The following RYR2 variants were observed in gnomAD, a reference collection of about 807,000 sequenced individuals.
The protein encoded by RYR2 is ryanodine receptor 2.
In RYR2, 227 loss-of-function variants were observed where a neutral mutation model predicts 601.1. The observed-to-expected ratio is 0.38, with a 90% CI of 0.34 to 0.42. The LOEUF is 0.42. RYR2 is among the 10% of genes least tolerant of loss of function. The probability of loss-of-function intolerance (pLI) is 1.00; values close to 1 mark genes in which losing one functional copy is unlikely to be tolerated. For missense variants in RYR2, 4,646 were observed against 6,156.5 expected (o/e 0.75, Z 8.21); for synonymous variants, 2,223 against 2,175.1 (o/e 1.02, Z -0.61).
At chr1:237,692,546 G>A (rs984889001) in intron 63 of RYR2, among the ~76,000 whole-genome samples, 18 of 152,168 alleles carry the variant, frequency 1.2e-4, no homozygotes, top group Non-Finnish European at 1.3e-4. Flanking sequence ...CTCCGTCCTC[G>A]TGTCCCAGCC....
At position 237,441,354 on chromosome 1, in the gene RYR2, T is replaced by C. The variant is rs1572344667; in HGVS notation, c.1041T>C (p.Asp347=). 1 of 1,613,772 alleles carries C rather than the reference T, an allele frequency of 6.2e-7. No homozygotes were observed. The change falls in exon 13 of 105, where the codon GAT becomes GAC. Residue 347 remains aspartate (D), a synonymous_variant. Coordinates refer to ENST00000366574, the MANE Select transcript of RYR2 (RefSeq NM_001035.3). ...KLDVGVRKEV[D]GMGTSEIKYG... is the part of the protein sequence containing the mutation. Reference sequence around the variant, plus strand: ...ATGTAGGGGTGAGAAAAGAAGTAGATGGCATGGGAACATCTGAAATAAAAT... The same window carrying C: ...ATGTAGGGGTGAGAAAAGAAGTAGACGGCATGGGAACATCTGAAATAAAAT...
chr1:237,072,395 G>A (rs980822282), intron 1 of RYR2, among the ~76,000 whole-genome samples: 5 of 152,160 alleles, frequency 3.3e-5, no homozygotes, highest in Non-Finnish European at 4.4e-5. Context: ...TGAGCGGATG[G>A]GCAGAGGAGA....
chr1:237,405,418 A>G (rs759611898), intron 10 of RYR2, among the ~76,000 whole-genome samples: 7 of 152,222 alleles, frequency 4.6e-5, no homozygotes, highest in Non-Finnish European at 8.8e-5. Context: ...TTTCTTTCTT[A>G]TAGCCTCAAC....
Position 237,610,687 on chromosome 1 carries a change from A to G in RYR2, c.4684-75A>G. ...TACTTTCCCTGTCTCTGTCCTGTGC[A>G]GAATTCTAGTCATTACTTTGTGAAC... On this transcript the variant is annotated intron_variant, in intron 35 of 104. Coordinates refer to ENST00000366574, the MANE Select transcript of RYR2 (RefSeq NM_001035.3). The surrounding 1 kb of genome is among the most constrained non-coding windows in gnomAD (Gnocchi z 4.9). 1 of 1,188,038 alleles carries G rather than the reference A, an allele frequency of 8.4e-7. No individual in the cohort carries two copies. The highest frequency in any genetic ancestry group is 1.4e-5 in the South Asian group (1 of 69,372). The allele number at this position is 1,188,038 out of a possible 1,614,324, so 73.6% of individuals were successfully genotyped here.
Position 237,709,018 on chromosome 1 carries a change from C to G in RYR2, c.10062C>G (p.Leu3354=). 1 of 1,613,370 alleles carries G rather than the reference C, an allele frequency of 6.2e-7. No homozygotes were observed. Among genetic ancestry groups the G allele is most frequent in the Non-Finnish European group, 8.5e-7 (1 of 1,179,378 alleles). The part of the protein sequence containing the change: ...ARGDMSEAEL[L]ILDEFTTLAR... ...GGGACATGTCGGAGGCAGAACTCCTCATCCTAGATGAGTTCACCACACTGG... is the reference window on the plus strand; with the variant it reads ...GGGACATGTCGGAGGCAGAACTCCTGATCCTAGATGAGTTCACCACACTGG... The change falls in exon 69 of 105, where the codon CTC becomes CTG. Residue 3354 remains leucine (L), a synonymous_variant. Transcript: ENST00000366574.
chr1:237,641,566 A>C (rs1182878821), intron 47 of RYR2, among the ~76,000 whole-genome samples: 2 of 139,854 alleles, frequency 1.4e-5, no homozygotes, highest in African/African-American at 5.5e-5. Context: ...AATTGAGGCA[A>C]GGTCTTGCTC....
chr1:237,259,305 C>G (rs1688283578), intron 1 of RYR2, among the ~76,000 whole-genome samples: 1 of 152,026 alleles, frequency 6.6e-6, no homozygotes, highest in Non-Finnish European at 1.5e-5. Flanking sequence ...GTCAGGAGTT[C>G]AACACCAGTC....
At chr1:237,117,347 C>A (rs755253110) in intron 1 of RYR2, among the ~76,000 whole-genome samples, 12 of 152,064 alleles carry the variant, frequency 7.9e-5, no homozygotes, top group Admixed American at 7.9e-4. Flanking sequence ...ACCCATTTCT[C>A]TAGGTGGGGA....
At chr1:237,561,002 G>A (rs1158713707) in intron 27 of RYR2, among the ~76,000 whole-genome samples, 1 of 152,098 alleles carries the variant, frequency 6.6e-6, no homozygotes, top group Non-Finnish European at 1.5e-5. Context: ...CAGTAATTGG[G>A]GTTAAGAGAG....
chr1:237,798,150 A>G lies in RYR2; in HGVS notation c.14070A>G (p.Lys4690=), dbSNP rs1337632016. The G allele has an allele frequency of 6.2e-7, 1 of 1,612,658 alleles. No individual in the cohort carries two copies. Among genetic ancestry groups the G allele is most frequent in the Non-Finnish European group, 8.5e-7 (1 of 1,179,368 alleles). The stretch of plus-strand genomic sequence containing the variant: ...CCAGAGAAAAGAAGAAGCCAAAGAA[A>G]GACAGCTCCTTATCAGCTGTGTAAG... ...SDAREKKKPK[K]DSSLSAVLNS... The change falls in exon 97 of 105, where the codon AAA becomes AAG. Residue 4690 remains lysine, a synonymous_variant. Transcript: ENST00000366574.
chr1:237,740,144 C>T (rs189313385), intron 79 of RYR2, among the ~76,000 whole-genome samples: 96 of 152,266 alleles, frequency 6.3e-4, no homozygotes, highest in African/African-American at 2.1e-3. Flanking sequence ...ATCTATGTCA[C>T]GTGGATGCCA....
chr1:237,562,081 A>G (rs147344494), intron 27 of RYR2, among the ~76,000 whole-genome samples: 1 of 152,364 alleles, frequency 6.6e-6, no homozygotes, highest in African/African-American at 2.4e-5. Context: ...AATCAGAATT[A>G]TAATTTATTT....
intron 88 of RYR2, among the ~76,000 whole-genome samples, chr1:237,780,684 CAGAGTAA>C (rs1403104113): frequency 6.6e-6 from 1 of 151,978 alleles, no homozygotes; most frequent in Non-Finnish European, 1.5e-5. Flanking sequence ...AAATTTTAAC[CAGAGTAA>C]TACTGGAAAG....
intron 104 of RYR2, among the ~76,000 whole-genome samples, chr1:237,831,854 A>G (rs1663828259): frequency 1.8e-5 from 1 of 56,406 alleles, no homozygotes; most frequent in African/African-American, 1.8e-4. Flanking sequence ...TAATTATTGC[A>G]TAATGTCTTT....
At chr1:237,513,735 T>C (rs1666142451) in intron 24 of RYR2, among the ~76,000 whole-genome samples, 1 of 152,194 alleles carries the variant, frequency 6.6e-6, no homozygotes, top group Non-Finnish European at 1.5e-5. Context: ...CTAGCAGCAA[T>C]AGGCTATATC....
At chr1:237,209,818 T>C (rs982195668) in intron 1 of RYR2, among the ~76,000 whole-genome samples, 5 of 152,156 alleles carry the variant, frequency 3.3e-5, no homozygotes, top group Non-Finnish European at 7.3e-5. Flanking sequence ...ATTGTGCCAC[T>C]GCACTCCAGC....
chr1:237,421,132 G>A (rs751578630), intron 11 of RYR2, among the ~76,000 whole-genome samples: 38 of 152,148 alleles, frequency 2.5e-4, no homozygotes, highest in African/African-American at 7.0e-4. Context: ...CTGGCTACTC[G>A]GGAGGCTGGG....
chr1:237,228,443 C>G (rs769939146), intron 1 of RYR2, among the ~76,000 whole-genome samples: 1 of 152,116 alleles, frequency 6.6e-6, no homozygotes, highest in Non-Finnish European at 1.5e-5. Flanking sequence ...CATGCATGTG[C>G]AAGTATCTTT....
intron 17 of RYR2, among the ~76,000 whole-genome samples, chr1:237,482,352 C>T (rs1379020229): frequency 6.6e-6 from 1 of 152,130 alleles, no homozygotes; most frequent in Non-Finnish European, 1.5e-5. Context: ...TCTAGAGCCC[C>T]CCACTACCCT....
Sources: gnomAD v4.1 joint callset for allele counts (sites outside exome capture counted in the v4.1 genomes callset) on GRCh38, gnomAD v4.1.1 for gene constraint, Gnocchi (gnomAD v3.1) non-coding constraint, MANE v1.5 for transcripts, NCBI Gene and HGNC (gene_info 2026-07-23, HGNC 2026-07-21) for gene names.